Variants in PHF20L1 observed in about 807,000 individuals in gnomAD.
PHF20L1 encodes the protein PHD finger protein 20-like protein 1.
A neutral mutation model predicts 125.5 loss-of-function variants in PHF20L1; 44 were observed. The ratio of observed to expected loss-of-function variants is 0.35; its 90% confidence interval spans 0.28 to 0.45. The LOEUF is 0.45. PHF20L1 is among the 20% of genes least tolerant of loss of function. The pLI is 1.00. For missense variants in PHF20L1, 1,012 were observed against 1,217.2 expected (o/e 0.83, Z 2.51); for synonymous variants, 380 against 403.1 (o/e 0.94, Z 0.69).
intron 14 of PHF20L1, among the ~76,000 whole-genome samples, chr8:132,827,517 C>G (rs1165203596): frequency 2.6e-5 from 4 of 151,862 alleles, no homozygotes; most frequent in African/African-American, 9.7e-5. Flanking sequence ...ATCTTACATA[C>G]AAAATACCTG....
chr8:132,811,228 G>A, intron 9 of PHF20L1, 100 bp downstream of exon 9: 1 of 1,542,456 alleles, frequency 6.5e-7, no homozygotes, highest in Non-Finnish European at 8.8e-7. Context: ...GATCAGATAT[G>A]GGAATAGGAA....
chr8:132,803,606 A>G (rs559604715), intron 6 of PHF20L1: 2 of 497,570 alleles, frequency 4.0e-6, no homozygotes, highest in South Asian at 5.8e-5. Flanking sequence ...TATGCTTCCT[A>G]TTTTATGAGA....
At position 132,848,284 on chromosome 8, in the gene PHF20L1, ATTATTT is replaced by A. The variant is rs1411375047; in HGVS notation, c.*2366_*2371del. Reference sequence around the variant, plus strand: ...TTTTAAATTTAGATCTTTAAATCAAATTATTTTTATGCATATTTTCATTTAATATAG... The same window carrying A: ...TTTTAAATTTAGATCTTTAAATCAAATTATGCATATTTTCATTTAATATAG... On this transcript the variant is annotated 3_prime_UTR_variant, in exon 21 of 21. Coordinates refer to ENST00000395386, the MANE Select transcript of PHF20L1 (RefSeq NM_016018.5). 2 of 152,470 alleles carry A rather than the reference ATTATTT, an allele frequency of 1.3e-5. No individual in the cohort carries two copies. The highest frequency in any genetic ancestry group is 2.9e-5 in the Non-Finnish European group (2 of 67,974). 9.4% of individuals were successfully genotyped at this position (152,470 alleles called of 1,614,324 possible).
chr8:132,795,777 A>G lies in PHF20L1; in HGVS notation c.340+960A>G, dbSNP rs114918798. Among the ~76,000 whole-genome samples the G allele has an allele frequency of 1.0e-3, 155 of 152,252 alleles. 1 individual carries two copies. Among genetic ancestry groups the G allele is most frequent in the African/African-American group, 3.5e-3 (147 of 41,566 alleles). The stretch of plus-strand genomic sequence containing the variant: ...GTTTTTTCCTATACTGTACATGTAT[A>G]TGAATGATAAAGTTTAATTTATAAA... On this transcript the variant is annotated intron_variant, in intron 4 of 20. Transcript: ENST00000395386.
At chr8:132,792,336 C>T (rs1270846615) in intron 2 of PHF20L1, among the ~76,000 whole-genome samples, 1 of 152,030 alleles carries the variant, frequency 6.6e-6, no homozygotes, top group Non-Finnish European at 1.5e-5. Context: ...AAAACCAGGG[C>T]AACAAAAACA....
chr8:132,832,243 G>T lies in PHF20L1; in HGVS notation c.1753G>T (p.Asp585Tyr). 1 of 1,580,936 alleles carries T rather than the reference G, an allele frequency of 6.3e-7. No homozygotes were observed. The change falls in exon 15 of 21, where the codon GAC (aspartate) becomes TAC (tyrosine). Residue 585 changes from aspartate to tyrosine, a missense_variant. This residue lies in a region of PHF20L1 where 320 missense variants were observed against 293.8 expected (regional missense o/e 1.09). Coordinates refer to ENST00000395386, the MANE Select transcript of PHF20L1 (RefSeq NM_016018.5). ...KKKSKQHDYS[D>Y]YEDSSLEFLE... ...TGTATCTTATGTTGCAGACTATTCA[G>T]ACTATGAAGACAGTTCCCTCGAATT...
intron 9 of PHF20L1, chr8:132,811,851 C>G: frequency 1.0e-6 from 1 of 982,898 alleles, no homozygotes; most frequent in Non-Finnish European, 1.2e-6. Flanking sequence ...GTTTTAAAAT[C>G]TGAGCCTTAA....
chr8:132,813,449 A>G (rs889285217), intron 9 of PHF20L1, among the ~76,000 whole-genome samples: 2 of 151,958 alleles, frequency 1.3e-5, no homozygotes, highest in Non-Finnish European at 2.9e-5. Flanking sequence ...TTCCCCAGCA[A>G]AATTTGACTT....
At chr8:132,805,603 T>G (rs897915569) in intron 8 of PHF20L1, among the ~76,000 whole-genome samples, 34 of 151,998 alleles carry the variant, frequency 2.2e-4, no homozygotes, top group Non-Finnish European at 2.9e-4. Context: ...AATAAAGCTG[T>G]AAAAACCTTT....
chr8:132,788,559 G>T (rs1831316747), intron 2 of PHF20L1, among the ~76,000 whole-genome samples: 1 of 150,498 alleles, frequency 6.6e-6, no homozygotes, highest in South Asian at 2.1e-4. Flanking sequence ...GAGATTCTAG[G>T]TTATATCAGT....
At chr8:132,843,599 C>T (rs958491674) in intron 19 of PHF20L1, 28 of 934,132 alleles carry the variant, frequency 3.0e-5, no homozygotes, top group Middle Eastern at 5.4e-4. Context: ...CAAATCCAAA[C>T]GCACATTGTG....
intron 16 of PHF20L1, 121 bp downstream of exon 16, chr8:132,836,842 G>A: frequency 1.4e-6 from 1 of 696,176 alleles, no homozygotes. Context: ...CTAACTTACT[G>A]TGTGGAAAAT....
chr8:132,802,252 C>G (rs148601678), intron 6 of PHF20L1, among the ~76,000 whole-genome samples: 58 of 151,454 alleles, frequency 3.8e-4, no homozygotes, highest in African/African-American at 1.3e-3. Flanking sequence ...CTCCTTGAAC[C>G]TTTCATCGCT....
intron 1 of PHF20L1, among the ~76,000 whole-genome samples, chr8:132,776,586 T>A (rs1469498058): frequency 6.6e-6 from 1 of 152,180 alleles, no homozygotes; most frequent in Non-Finnish European, 1.5e-5. Context: ...GGTATTTGAG[T>A]TCGCATATTT....
At chr8:132,837,335 T>C (rs998328378) in intron 16 of PHF20L1, among the ~76,000 whole-genome samples, 1 of 152,150 alleles carries the variant, frequency 6.6e-6, no homozygotes, top group African/African-American at 2.4e-5. Context: ...AGTAGTACTT[T>C]AAGAGATCAT....
chr8:132,819,957 T>C (rs746823300), intron 12 of PHF20L1, among the ~76,000 whole-genome samples: 30 of 151,888 alleles, frequency 2.0e-4, no homozygotes, highest in Non-Finnish European at 3.7e-4. Context: ...ATTCACACTG[T>C]TGAGTTTAGC....
intron 14 of PHF20L1, among the ~76,000 whole-genome samples, chr8:132,830,024 T>C (rs992781313): frequency 1.3e-5 from 2 of 152,054 alleles, no homozygotes; most frequent in Admixed American, 6.6e-5. Flanking sequence ...TAAAAAAATA[T>C]GTATTTATTA....
Position 132,794,439 on chromosome 8 carries a change from A to C in PHF20L1, c.113A>C (p.Tyr38Ser). 6.2e-7 allele frequency: 1 copy of C among 1,609,988 alleles called. No individual in the cohort carries two copies. Among genetic ancestry groups the C allele is most frequent in the Non-Finnish European group, 8.5e-7 (1 of 1,177,450 alleles). ...WYPSRIEKID[Y>S]EEGKMLVHFE... ...CCATCACGAATTGAAAAAATTGACTATGAGGAGGGCAAGATGTTGGTCCAT... is the reference window on the plus strand; with the variant it reads ...CCATCACGAATTGAAAAAATTGACTCTGAGGAGGGCAAGATGTTGGTCCAT... Residue 38 changes from tyrosine to serine, a missense_variant, in exon 3 of 21, where the codon TAT (tyrosine) becomes TCT (serine). This residue lies in a region of PHF20L1 where 94 missense variants were observed against 179.5 expected (regional missense o/e 0.52). Transcript: ENST00000395386.
chr8:132,838,825 G>A (rs1230182299), intron 17 of PHF20L1, among the ~76,000 whole-genome samples: 1 of 152,150 alleles, frequency 6.6e-6, no homozygotes, highest in South Asian at 2.1e-4. Context: ...ATTTGCCACT[G>A]TGGTGAGATG....
Sources: gnomAD v4.1 joint callset for allele counts (sites outside exome capture counted in the v4.1 genomes callset) on GRCh38, gnomAD v4.1.1 for gene constraint, gnomAD v4.1.1 regional missense constraint, MANE v1.5 for transcripts, NCBI Gene and HGNC (gene_info 2026-07-23, HGNC 2026-07-21) for gene names.